LTBP1: variants seen among roughly 807,000 people sequenced by gnomAD.
The protein encoded by LTBP1 is latent transforming growth factor beta binding protein 1, also known as latent-transforming growth factor beta-binding protein 1.
Under a neutral mutation model 207.6 loss-of-function variants are expected in LTBP1, and 129 were observed. The ratio of observed to expected loss-of-function variants is 0.62; its 90% CI spans 0.54 to 0.72. LTBP1 has a LOEUF of 0.72. Among genes scored for constraint, LTBP1 ranks in the 30% least tolerant of loss-of-function variants. The probability of loss-of-function intolerance (pLI) is 0.00; values close to 1 mark genes in which losing one functional copy is unlikely to be tolerated. For missense variants in LTBP1, 2,281 were observed against 2,217.2 expected (o/e 1.03, Z -0.58); for synonymous variants, 963 against 833.7 (o/e 1.16, Z -2.67).
intron 13 of LTBP1, among the ~76,000 whole-genome samples, chr2:33,261,456 AC>A (rs1473726492): frequency 6.6e-6 from 1 of 152,196 alleles, no homozygotes; most frequent in Non-Finnish European, 1.5e-5. Flanking sequence ...TGGTAGGTCT[AC>A]TCAAGTTAAG....
intron 7 of LTBP1, among the ~76,000 whole-genome samples, chr2:33,191,839 A>G (rs893378276): frequency 6.6e-6 from 1 of 152,216 alleles, no homozygotes; most frequent in African/African-American, 2.4e-5. Context: ...ATAAACATCT[A>G]TGTTTATATG....
chr2:33,293,192 G>T lies in LTBP1; in HGVS notation c.3145G>T (p.Ala1049Ser), dbSNP rs200895398. Residue 1049 changes from alanine (A) to serine (S), a missense_variant, in exon 20 of 34, where the codon GCA becomes TCA. Ala to Ser is a moderately conservative substitution (Grantham distance 99). This residue lies in a region of LTBP1 where 1,671 missense variants were observed against 1,634.8 expected (regional missense o/e 1.02). Coordinates refer to ENST00000404816, the MANE Select transcript of LTBP1 (RefSeq NM_206943.4). ...CGAGTGCCTGGAACCAAACGTCTGC[G>T]CAAATGGTGATTGTTCCAACCTTGA... is the stretch of plus-strand genomic sequence containing the variant. Reference protein sequence around the residue: ...VDECLEPNVCANGDCSNLEGS... With the variant: ...VDECLEPNVCSNGDCSNLEGS... 4.3e-5 allele frequency: 70 copies of T among 1,613,772 alleles called. No individual in the cohort carries two copies. Among genetic ancestry groups the T allele is most frequent in the Middle Eastern group, 1.6e-4 (1 of 6,084 alleles).
At chr2:33,332,397 AAGAG>A (rs1180391856) in intron 24 of LTBP1, among the ~76,000 whole-genome samples, 23 of 129,944 alleles carry the variant, frequency 1.8e-4, no homozygotes, top group Middle Eastern at 3.8e-3. Context: ...AAAAAAAAAA[AAGAG>A]AGAGAGAGAC....
chr2:33,234,097 A>G (rs1008504214), intron 9 of LTBP1, among the ~76,000 whole-genome samples: 1 of 152,124 alleles, frequency 6.6e-6, no homozygotes, highest in Admixed American at 6.6e-5. Context: ...CTTTCACTCA[A>G]CAGTATATGG....
intron 3 of LTBP1, among the ~76,000 whole-genome samples, chr2:33,036,189 C>T (rs1212649220): frequency 6.6e-6 from 1 of 152,084 alleles, no homozygotes; most frequent in African/African-American, 2.4e-5. Flanking sequence ...AGATAAAATA[C>T]GGCTTGTTGG....
chr2:33,286,202 G>T (rs1034220487), intron 19 of LTBP1, among the ~76,000 whole-genome samples: 1 of 152,146 alleles, frequency 6.6e-6, no homozygotes, highest in African/African-American at 2.4e-5. Context: ...TGATTAAGTT[G>T]AGAATGACTT....
chr2:33,355,917 A>C (rs2094852640), intron 26 of LTBP1, among the ~76,000 whole-genome samples: 2 of 148,610 alleles, frequency 1.3e-5, no homozygotes, highest in Admixed American at 1.3e-4. Context: ...TCCTCTTTTA[A>C]AGTGTTTTTA....
intron 2 of LTBP1, among the ~76,000 whole-genome samples, chr2:32,957,782 C>T (rs1244398320): frequency 6.6e-6 from 1 of 152,158 alleles, no homozygotes; most frequent in East Asian, 1.9e-4. Flanking sequence ...TTGTGAAGTG[C>T]AGTAAAGTGA....
chr2:33,127,615 T>G, intron 4 of LTBP1, among the ~76,000 whole-genome samples: 1 of 152,210 alleles, frequency 6.6e-6, no homozygotes, highest in South Asian at 2.1e-4. Context: ...TTGTTATAGA[T>G]AGAAAAGGAG....
In LTBP1 at chr2:33,110,600, C is replaced by T. The variant is rs1415515731; in HGVS notation, c.882C>T (p.Ser294=). 1.9e-6 allele frequency: 3 copies of T among 1,613,090 alleles called. No homozygotes were observed. Among genetic ancestry groups the T allele is most frequent in the African/African-American group, 1.3e-5 (1 of 74,864 alleles). ...TTCCCAGAGTGACTCCTCTTTCTTC[C>T]CAGAGTGTGGTGATTCACCATGGCC... The part of the protein sequence containing the change: ...QIHSQVTPLS[S]QSVVIHHGQT... Residue 294 remains serine (S), a synonymous_variant, in exon 4 of 34, where the codon TCC becomes TCT. Coordinates refer to ENST00000404816, the MANE Select transcript of LTBP1 (RefSeq NM_206943.4).
intron 31 of LTBP1, among the ~76,000 whole-genome samples, chr2:33,386,453 T>G (rs1043009246): frequency 6.6e-6 from 1 of 152,142 alleles, no homozygotes; most frequent in African/African-American, 2.4e-5. Flanking sequence ...TCCCCGGACC[T>G]CAAGTCTCAG....
chr2:33,185,969 T>C (rs998456799), intron 5 of LTBP1, among the ~76,000 whole-genome samples: 1 of 152,186 alleles, frequency 6.6e-6, no homozygotes, highest in Non-Finnish European at 1.5e-5. Context: ...AATTCATTAG[T>C]GATAAAGAGG....
intron 2 of LTBP1, among the ~76,000 whole-genome samples, chr2:33,004,786 A>AATATATATATATATATATATATAT (rs34777461): frequency 6.0e-4 from 61 of 101,078 alleles, no homozygotes; most frequent in East Asian, 1.9e-3. Context: ...AAAAAAAAGG[A>AATATATATATATATATATATATAT]ATATATATAT....
At position 33,158,165 on chromosome 2, in the gene LTBP1, AG is replaced by A. The variant is rs1183164646; in HGVS notation, c.1201+23206del. ...AAAAAAAACAAAAAAAAAAAAAAAA[AG>A]AGAGAGAGAGAGAATATATATGCAT... On this transcript the variant is annotated intron_variant, in intron 5 of 33. Coordinates refer to ENST00000404816, the MANE Select transcript of LTBP1 (RefSeq NM_206943.4). 1.4e-3 allele frequency among the ~76,000 whole-genome samples: 133 copies of A among 92,946 alleles called. 2 individuals are homozygous for A. In the East Asian group the frequency reaches 0.031, roughly 22 times the overall value. The allele number at this position is 92,946 out of a possible 152,430, so 61.0% of individuals were successfully genotyped here. A position where few individuals can be genotyped will look rare whatever the true frequency, so the allele number is the denominator to read the frequency against.
At chr2:33,172,010 C>G (rs1217763628) in intron 5 of LTBP1, among the ~76,000 whole-genome samples, 5 of 152,148 alleles carry the variant, frequency 3.3e-5, no homozygotes, top group Non-Finnish European at 7.3e-5. Context: ...GAAGGAAGCA[C>G]TAAACATGGA....
rs768856733 is a variant in LTBP1 at position 33,110,653 on chromosome 2, A to C, written c.935A>C (p.Lys312Thr). 1 of 1,614,218 alleles carries C rather than the reference A, an allele frequency of 6.2e-7. No homozygotes were observed. Residue 312 changes from lysine to threonine, a missense_variant, in exon 4 of 34, where the codon AAG (lysine) becomes ACG (threonine). Around this residue, in one of 3 missense-constraint regions of LTBP1, gnomAD observed 555 missense variants for 491.0 expected, o/e 1.13. Transcript: ENST00000404816. ...GQTQEYVLKP[K>T]YFPAQKGISG... is the part of the protein sequence containing the mutation. ...ACCCAGGAATACGTGCTCAAGCCCAAGTACTTTCCAGCCCAGAAGGGGATT... is the reference window on the plus strand; with the variant it reads ...ACCCAGGAATACGTGCTCAAGCCCACGTACTTTCCAGCCCAGAAGGGGATT...
At chr2:33,155,634 G>T (rs1224655984) in intron 5 of LTBP1, among the ~76,000 whole-genome samples, 4 of 151,956 alleles carry the variant, frequency 2.6e-5, no homozygotes, top group Admixed American at 2.6e-4. Flanking sequence ...AGTCTCTGGG[G>T]ACAAAACCAC....
chr2:33,032,160 T>G (rs548009997), intron 3 of LTBP1, among the ~76,000 whole-genome samples: 5 of 152,320 alleles, frequency 3.3e-5, no homozygotes, highest in African/African-American at 1.2e-4. Flanking sequence ...ATATGTAATC[T>G]TATCCTCTTT....
intron 22 of LTBP1, among the ~76,000 whole-genome samples, chr2:33,304,970 A>G (rs949295353): frequency 1.3e-5 from 2 of 152,210 alleles, no homozygotes; most frequent in Admixed American, 6.5e-5. Context: ...AACCAAACAG[A>G]AATTTCTTCC....
Sources: gnomAD v4.1 joint callset for allele counts (sites outside exome capture counted in the v4.1 genomes callset) on GRCh38, gnomAD v4.1.1 for gene constraint, gnomAD v4.1.1 regional missense constraint, MANE v1.5 for transcripts, NCBI Gene and HGNC (gene_info 2026-07-23, HGNC 2026-07-21) for gene names.